Variants in PPP2CA observed in about 807,000 individuals in gnomAD.
The protein encoded by PPP2CA is serine/threonine-protein phosphatase 2A catalytic subunit alpha isoform.
In PPP2CA, 5 loss-of-function variants were observed where a neutral mutation model predicts 38.8. That is an observed-to-expected ratio of 0.13 (90% confidence interval 0.07 to 0.27). The LOEUF (loss-of-function observed/expected upper bound fraction) is 0.27. PPP2CA is among the 10% of genes least tolerant of loss of function. The pLI is 1.00. For missense variants in PPP2CA, 88 were observed against 389.7 expected, an observed-to-expected ratio of 0.23 and a Z score of 6.52; for synonymous variants, 152 against 134.0, an observed-to-expected ratio of 1.13 and a Z score of -0.93.
At chr5:134,211,370 T>A (rs1762199785) in intron 1 of PPP2CA, among the ~76,000 whole-genome samples, 1 of 152,190 alleles carries the variant, frequency 6.6e-6, no homozygotes, top group Non-Finnish European at 1.5e-5. Flanking sequence ...AGACTCAACA[T>A]TCTTGAATAC....
At chr5:134,208,389 C>T (rs549368039) in intron 1 of PPP2CA, among the ~76,000 whole-genome samples, 12 of 152,196 alleles carry the variant, frequency 7.9e-5, no homozygotes, top group East Asian at 1.9e-4. Context: ...CAAATCACAC[C>T]GATAAACAGT....
At chr5:134,219,228 C>A (rs1158521974) in intron 1 of PPP2CA, among the ~76,000 whole-genome samples, 1 of 152,144 alleles carries the variant, frequency 6.6e-6, no homozygotes, top group Admixed American at 6.5e-5. Flanking sequence ...AGAGCAAAAC[C>A]AAACTAAGAA....
intron 1 of PPP2CA, among the ~76,000 whole-genome samples, chr5:134,215,373 C>G (rs1762294730): frequency 6.6e-6 from 1 of 151,822 alleles, no homozygotes; most frequent in African/African-American, 2.4e-5. Context: ...AGTTCAAGAC[C>G]AGCCTGGCCA....
chr5:134,199,302 C>G (rs1761922755), intron 5 of PPP2CA, 98 bp from the exon 6 acceptor site: 1 of 867,588 alleles, frequency 1.2e-6, no homozygotes, highest in Non-Finnish European at 1.9e-6. Flanking sequence ...CATTCCCACC[C>G]CTGCCAAAGG....
At chr5:134,201,344 A>AAAGGGT in intron 3 of PPP2CA, among the ~76,000 whole-genome samples, 1 of 152,332 alleles carries the variant, frequency 6.6e-6, no homozygotes, top group South Asian at 2.1e-4. Context: ...TGCAGGGTTC[A>AAAGGGT]TCTTTGCTCC....
intron 5 of PPP2CA, among the ~76,000 whole-genome samples, chr5:134,199,784 T>C (rs551046410): frequency 5.7e-5 from 2 of 35,058 alleles, no homozygotes; most frequent in East Asian, 6.2e-4. Flanking sequence ...TTTAGTATTG[T>C]TCACAATTTC....
Position 134,197,616 on chromosome 5 carries a change from G to T in PPP2CA, c.*156C>A, listed in dbSNP as rs62379401. 0.017 allele frequency: 10,726 copies of T among 627,208 alleles called. 113 individuals carry two copies. Among genetic ancestry groups the T allele is most frequent in the Non-Finnish European group, 0.021 (7,337 of 351,110 alleles). 38.9% of individuals were successfully genotyped at this position (627,208 alleles called of 1,614,324 possible). ...TGGTCACGGCTGTTGATGACAAGAG[G>T]CTTTGTATTTTTATATGGCACATCT... On this transcript the variant is annotated 3_prime_UTR_variant, in exon 7 of 7. Transcript: ENST00000481195.
intron 2 of PPP2CA, 65 bp downstream of exon 2, chr5:134,205,856 GA>G (rs763575449): frequency 1.0e-4 from 132 of 1,324,934 alleles, no homozygotes; most frequent in Middle Eastern, 6.1e-4. Flanking sequence ...ATAACTGGGG[GA>G]AAAAAAACTT....
intron 2 of PPP2CA, chr5:134,203,668 A>C (rs1762014252): frequency 6.6e-6 from 1 of 152,236 alleles, no homozygotes; most frequent in African/African-American, 2.4e-5. Context: ...GCTGTGGGTT[A>C]GGACTTAGAC....
At chr5:134,214,636 C>T (rs574225780) in intron 1 of PPP2CA, among the ~76,000 whole-genome samples, 2 of 152,248 alleles carry the variant, frequency 1.3e-5, no homozygotes, top group East Asian at 3.9e-4. Flanking sequence ...TATTTACCAT[C>T]AGTTATTTCT....
intron 3 of PPP2CA, 125 bp from the exon 4 acceptor site, chr5:134,201,199 G>A (rs989872451): frequency 4.3e-6 from 3 of 697,180 alleles, no homozygotes; most frequent in Non-Finnish European, 7.4e-6. Context: ...GCTGCTTGAG[G>A]CCAGGAGTTT....
At chr5:134,222,146 GC>G (rs1762460114) in intron 1 of PPP2CA, among the ~76,000 whole-genome samples, 1 of 152,042 alleles carries the variant, frequency 6.6e-6, no homozygotes. Flanking sequence ...CTCACTTTTA[GC>G]CCCTTTAGTC....
At chr5:134,224,286 G>A (rs1304569330) in intron 1 of PPP2CA, 9 of 455,888 alleles carry the variant, frequency 2.0e-5, no homozygotes, top group South Asian at 4.7e-5. Context: ...TAAAGAAACA[G>A]GAGATTCAAT....
chr5:134,219,869 G>A (rs1467457494), intron 1 of PPP2CA, among the ~76,000 whole-genome samples: 2 of 151,712 alleles, frequency 1.3e-5, no homozygotes, highest in African/African-American at 4.8e-5. Flanking sequence ...AAATTAGCTA[G>A]GCATGGTGGC....
chr5:134,213,223 G>T (rs899020399), intron 1 of PPP2CA, among the ~76,000 whole-genome samples: 1 of 152,188 alleles, frequency 6.6e-6, no homozygotes, highest in African/African-American at 2.4e-5. Context: ...AATGTAGCTG[G>T]TGACTTTCAG....
At chr5:134,218,067 A>G (rs763731881) in intron 1 of PPP2CA, among the ~76,000 whole-genome samples, 2 of 151,968 alleles carry the variant, frequency 1.3e-5, no homozygotes, top group Non-Finnish European at 1.5e-5. Flanking sequence ...TAAGACCACC[A>G]TCACATGCAG....
At chr5:134,204,568 C>T (rs4299778) in intron 2 of PPP2CA, among the ~76,000 whole-genome samples, 117,577 of 152,036 alleles carry the variant, frequency 0.77, 45,917 homozygotes, top group Non-Finnish European at 0.82. Flanking sequence ...TCAAGTGATC[C>T]TCCCACCTCA....
intron 1 of PPP2CA, among the ~76,000 whole-genome samples, chr5:134,208,427 T>C (rs1490805393): frequency 2.6e-5 from 4 of 152,186 alleles, no homozygotes; most frequent in Non-Finnish European, 1.5e-5. Context: ...CTATACAAAT[T>C]AGTAATACAT....
intron 1 of PPP2CA, among the ~76,000 whole-genome samples, chr5:134,208,870 T>C (rs978521415): frequency 2.0e-5 from 3 of 152,206 alleles, no homozygotes; most frequent in Non-Finnish European, 4.4e-5. Context: ...CAATATATAA[T>C]AATACATAAC....
Sources: allele counts gnomAD v4.1 joint callset (sites outside exome capture counted in the v4.1 genomes callset), GRCh38; gene constraint gnomAD v4.1.1; transcripts MANE v1.5; gene names NCBI Gene and HGNC (gene_info 2026-07-23, HGNC 2026-07-21).